The following TMPRSS7 variants were observed in gnomAD, a reference collection of about 807,000 sequenced individuals.
The protein encoded by TMPRSS7 is transmembrane serine protease 7, also known as transmembrane protease serine 7.
A neutral mutation model predicts 95.6 loss-of-function variants in TMPRSS7; 81 were observed. That is an observed-to-expected ratio of 0.85 (90% CI 0.71 to 1.02). The LOEUF (loss-of-function observed/expected upper bound fraction) is 1.02. Among genes scored for constraint, TMPRSS7 ranks in the 50% least tolerant of loss-of-function variants. The pLI is 0.00. For synonymous variants in TMPRSS7, 364 were observed against 337.8 expected, an observed-to-expected ratio of 1.08 and a Z score of -0.85; for missense variants, 945 against 955.2, an observed-to-expected ratio of 0.99 and a Z score of 0.14.
chr3:112,069,791 A>T (rs1439704447), intron 13 of TMPRSS7, among the ~76,000 whole-genome samples: 4 of 151,194 alleles, frequency 2.6e-5, no homozygotes, highest in African/African-American at 9.7e-5. Flanking sequence ...AGATTCATTG[A>T]TTTTTTTTTG....
intron 15 of TMPRSS7, 99 bp from the exon 16 acceptor site, chr3:112,076,777 G>T: frequency 7.2e-7 from 1 of 1,394,480 alleles, no homozygotes. Flanking sequence ...TGGAAGTCAG[G>T]CCCTTCTTTT....
rs538519296 is a variant in TMPRSS7 at position 112,056,983 on chromosome 3, T to C, written c.1204-42T>C. ...CAAGGGAATAAGTAAATACATACTT[T>C]GATTGAAGCATTTTTTTCTGACTTA... On this transcript the variant is annotated intron_variant, in intron 9 of 17. Coordinates refer to ENST00000452346, the Ensembl canonical transcript of TMPRSS7. The C allele has an allele frequency of 4.4e-5, 62 of 1,399,302 alleles. No individual in the cohort carries two copies. The South Asian group carries it at 6.8e-4, about 15-fold the overall frequency. 86.7% of individuals were successfully genotyped at this position (1,399,302 alleles called of 1,614,324 possible).
chr3:112,046,052 C>CATTGT, intron 5 of TMPRSS7, 109 bp downstream of exon 5: 1 of 963,812 alleles, frequency 1.0e-6, no homozygotes, highest in Non-Finnish European at 1.5e-6. Flanking sequence ...GATTACCCCA[C>CATTGT]AATCCCAGTG....
intron 9 of TMPRSS7, among the ~76,000 whole-genome samples, chr3:112,054,867 G>T (rs1319109294): frequency 6.7e-6 from 1 of 148,560 alleles, no homozygotes; most frequent in African/African-American, 2.5e-5. Flanking sequence ...AGCCTCCCGA[G>T]TAGGTGGGAC....
At chr3:112,056,642 T>C (rs1576109520) in intron 9 of TMPRSS7, among the ~76,000 whole-genome samples, 1 of 152,358 alleles carries the variant, frequency 6.6e-6, no homozygotes, top group Middle Eastern at 3.4e-3. Flanking sequence ...CATTTCTCCT[T>C]TATCTAAAGA....
chr3:112,050,089 A>C (rs1257722659), intron 8 of TMPRSS7, 115 bp downstream of exon 8: 1 of 1,023,784 alleles, frequency 9.8e-7, no homozygotes, highest in Admixed American at 3.1e-5. Flanking sequence ...TGGGACTCTG[A>C]ATAAAGGTCC....
intron 5 of TMPRSS7, 54 bp downstream of exon 5, chr3:112,045,997 T>C: frequency 7.2e-7 from 1 of 1,394,550 alleles, no homozygotes; most frequent in Non-Finnish European, 9.8e-7. Context: ...CTCCTGATAC[T>C]TGCCATGATT....
chr3:112,048,223 T>G (rs1233784489), intron 7 of TMPRSS7, among the ~76,000 whole-genome samples: 1 of 152,212 alleles, frequency 6.6e-6, no homozygotes. Flanking sequence ...CCAATATACC[T>G]GAAATATAAC....
At chr3:112,075,636 A>T in intron 15 of TMPRSS7, 144 bp downstream of exon 15, 1 of 673,974 alleles carries the variant, frequency 1.5e-6, no homozygotes. Flanking sequence ...CACGTGTGTG[A>T]CAAACATTTT....
intron 9 of TMPRSS7, 61 bp from the exon 10 acceptor site, chr3:112,056,964 A>G: frequency 8.3e-7 from 1 of 1,202,496 alleles, no homozygotes; most frequent in South Asian, 1.4e-5. Context: ...AAGCCAAGGG[A>G]ATAAGTAAAT....
chr3:112,049,154 T>A (rs1165830549), intron 7 of TMPRSS7, among the ~76,000 whole-genome samples: 1 of 152,102 alleles, frequency 6.6e-6, no homozygotes, highest in Non-Finnish European at 1.5e-5. Context: ...CCAATTCACC[T>A]CAGCCTTTAA....
intron 13 of TMPRSS7, among the ~76,000 whole-genome samples, chr3:112,073,151 G>C (rs1175169698): frequency 6.6e-6 from 1 of 150,714 alleles, no homozygotes; most frequent in Non-Finnish European, 1.5e-5. Flanking sequence ...GAGTGCAGTG[G>C]CACAGTCTGG....
intron 2 of TMPRSS7, among the ~76,000 whole-genome samples, chr3:112,039,966 G>A (rs1368607916): frequency 1.3e-5 from 2 of 152,178 alleles, no homozygotes; most frequent in African/African-American, 4.8e-5. Context: ...GCTGGTGTCA[G>A]AATTGAATTG....
At chr3:112,068,027 C>T (rs144418101) in intron 13 of TMPRSS7, among the ~76,000 whole-genome samples, 110 of 152,306 alleles carry the variant, frequency 7.2e-4, no homozygotes, top group African/African-American at 2.5e-3. Context: ...AGGAAGGGAT[C>T]CACTTTCAGC....
chr3:112,080,565 C>T (rs1277024322), intron 17 of TMPRSS7, among the ~76,000 whole-genome samples: 1 of 68,584 alleles, frequency 1.5e-5, no homozygotes, highest in Non-Finnish European at 3.3e-5. Context: ...ACTACTACTA[C>T]TACTATTACC....
intron 10 of TMPRSS7, among the ~76,000 whole-genome samples, chr3:112,061,470 A>T (rs908421513): frequency 2.0e-5 from 3 of 152,204 alleles, no homozygotes; most frequent in Non-Finnish European, 4.4e-5. Context: ...TTCTTACATT[A>T]CACAGGTTTT....
At chr3:112,048,078 C>T (rs117372685) in intron 7 of TMPRSS7, 111 bp downstream of exon 7, 1 of 954,912 alleles carries the variant, frequency 1.0e-6, no homozygotes, top group East Asian at 2.5e-5. Context: ...TGTGTGCACA[C>T]ATGAGGTCAA....
exon 2 of TMPRSS7, chr3:112,038,117 C>G: frequency 1.4e-6 from 1 of 702,590 alleles, no homozygotes; most frequent in African/African-American, 1.7e-5. Context: ...AAAGAAGCTG[C>G]CAGTGAGACG....
chr3:112,078,943 T>C, intron 17 of TMPRSS7, 65 bp downstream of exon 17: 1 of 1,576,458 alleles, frequency 6.3e-7, no homozygotes, highest in Non-Finnish European at 8.6e-7. Flanking sequence ...TCTCACTTAA[T>C]CTACATAACA....
Sources: allele counts gnomAD v4.1 joint callset (sites outside exome capture counted in the v4.1 genomes callset), GRCh38; gene constraint gnomAD v4.1.1; transcripts MANE v1.5; gene names NCBI Gene and HGNC (gene_info 2026-07-23, HGNC 2026-07-21).